The following BLTP1 variants were observed in gnomAD, a reference collection of about 807,000 sequenced individuals.
The protein encoded by BLTP1 is fragile site-associated protein.
At chr4:122,346,915 G>A in the BLTP1 span, 2 of 901,794 alleles carry the variant, frequency 2.2e-6, no homozygotes, top group Non-Finnish European at 2.7e-6. Flanking sequence ...CAACCACAAG[G>A]GATATATTAG....
chr4:122,290,129 G>A, the BLTP1 span, among the ~76,000 whole-genome samples: 7 of 152,132 alleles, frequency 4.6e-5, no homozygotes, highest in African/African-American at 1.7e-4. Flanking sequence ...CAGTTTCCTT[G>A]ATTCTCCTGG....
the BLTP1 span, chr4:122,274,213 G>A: frequency 3.1e-6 from 2 of 642,038 alleles, no homozygotes; most frequent in South Asian, 2.2e-5. Flanking sequence ...TGAAATAGTT[G>A]AACAAAATTT....
the BLTP1 span, chr4:122,254,141 A>G: frequency 6.5e-7 from 1 of 1,549,180 alleles, no homozygotes; most frequent in South Asian, 1.2e-5. Context: ...CCTCTGTGTT[A>G]GTGGTTTTAA....
chr4:122,199,289 G>C, the BLTP1 span: 2 of 1,579,386 alleles, frequency 1.3e-6, no homozygotes, highest in Non-Finnish European at 1.7e-6. Flanking sequence ...GTAGGAGTTG[G>C]TTCTAGTCCA....
chr4:122,216,186 G>A, the BLTP1 span, among the ~76,000 whole-genome samples: 1 of 151,832 alleles, frequency 6.6e-6, no homozygotes, highest in African/African-American at 2.4e-5. Context: ...TGGGCATTAA[G>A]GTTGGTTCCA....
chr4:122,339,136 C>A, the BLTP1 span: 2 of 1,482,654 alleles, frequency 1.3e-6, no homozygotes, highest in Admixed American at 2.0e-5. Flanking sequence ...TTGAACATTT[C>A]AATATTATTT....
At chr4:122,245,524 C>G in the BLTP1 span, among the ~76,000 whole-genome samples, 3 of 151,984 alleles carry the variant, frequency 2.0e-5, no homozygotes, top group Non-Finnish European at 2.9e-5. Context: ...CTTAATATTA[C>G]TTTTGAGATT....
At chr4:122,162,602 C>G in the BLTP1 span, 2 of 985,144 alleles carry the variant, frequency 2.0e-6, no homozygotes, top group Non-Finnish European at 2.4e-6. Context: ...CGAAAGTCCT[C>G]TCATCCATAA....
the BLTP1 span, chr4:122,353,331 C>G: frequency 1.4e-6 from 1 of 730,378 alleles, no homozygotes; most frequent in Non-Finnish European, 1.7e-6. The surrounding 1 kb of genome is among the most constrained non-coding windows in gnomAD (Gnocchi z 4.3). Context: ...CTGAACTTGC[C>G]ATCTTACTCC....
the BLTP1 span, chr4:122,154,381 G>A: frequency 1.0e-6 from 1 of 984,782 alleles, no homozygotes; most frequent in Admixed American, 6.2e-5. Context: ...TGGGGTGGTG[G>A]TGATATGTAA....
At chr4:122,189,706 A>G in the BLTP1 span, 1 of 906,814 alleles carries the variant, frequency 1.1e-6, no homozygotes, top group Non-Finnish European at 1.3e-6. Context: ...AAAAATATAA[A>G]ACTAAATTTT....
At chr4:122,297,780 C>T in the BLTP1 span, among the ~76,000 whole-genome samples, 5 of 152,262 alleles carry the variant, frequency 3.3e-5, no homozygotes, top group South Asian at 4.2e-4. Flanking sequence ...AGCTGGAAGC[C>T]GTTATCCCCA....
At chr4:122,266,857 C>T in the BLTP1 span, 1 of 1,611,980 alleles carries the variant, frequency 6.2e-7, no homozygotes, top group South Asian at 1.1e-5. Flanking sequence ...ACCGAATGTA[C>T]TTTGGAGAAC....
At chr4:122,173,792 CTT>C in the BLTP1 span, among the ~76,000 whole-genome samples, 2 of 151,658 alleles carry the variant, frequency 1.3e-5, no homozygotes, top group African/African-American at 4.8e-5. Flanking sequence ...AACTTTTTGA[CTT>C]TTTTTTAACT....
chr4:122,196,988 C>T, the BLTP1 span, among the ~76,000 whole-genome samples: 1 of 151,742 alleles, frequency 6.6e-6, no homozygotes, highest in African/African-American at 2.4e-5. Flanking sequence ...AGTAATAGAC[C>T]TTCATGCTAT....
chr4:122,170,643 T>A, the BLTP1 span: 2 of 1,559,668 alleles, frequency 1.3e-6, no homozygotes, highest in Non-Finnish European at 1.7e-6. Flanking sequence ...GGAAAAACTT[T>A]AGTAATGGAT....
the BLTP1 span, chr4:122,219,442 G>A: frequency 1.2e-6 from 2 of 1,614,114 alleles, no homozygotes; most frequent in Admixed American, 1.7e-5. Context: ...GTGGACTGCT[G>A]TTGGAATGGA....
At chr4:122,197,330 A>G in the BLTP1 span, 4 of 1,239,520 alleles carry the variant, frequency 3.2e-6, no homozygotes, top group African/African-American at 3.2e-5. Context: ...ATTATAAATA[A>G]TAAAGTTTGT....
the BLTP1 span, chr4:122,199,469 A>G: frequency 1.3e-6 from 2 of 1,578,332 alleles, no homozygotes; most frequent in South Asian, 1.1e-5. Context: ...GTAGTACATG[A>G]TGATATACAT....
Sources: gnomAD v4.1 joint callset for allele counts (sites outside exome capture counted in the v4.1 genomes callset) on GRCh38, gnomAD v4.1.1 for gene constraint, Gnocchi (gnomAD v3.1) non-coding constraint, MANE v1.5 for transcripts, NCBI Gene and HGNC (gene_info 2026-07-23, HGNC 2026-07-21) for gene names.